The following IMMP2L variants were observed in gnomAD, a reference collection of about 807,000 sequenced individuals.
The protein encoded by IMMP2L is inner mitochondrial membrane peptidase subunit 2, also known as mitochondrial inner membrane protease subunit 2.
In IMMP2L, 18 loss-of-function variants were observed where a neutral mutation model predicts 19.3. The ratio of observed to expected loss-of-function variants is 0.93; its 90% CI spans 0.64 to 1.38. The LOEUF (loss-of-function observed/expected upper bound fraction) is 1.38. Among genes scored for constraint, IMMP2L ranks in the 40% most tolerant of loss-of-function variants. IMMP2L has a pLI of 0.00. For synonymous variants in IMMP2L, 76 were observed against 73.0 expected, an observed-to-expected ratio of 1.04 and a Z score of -0.21; for missense variants, 233 against 218.2, an observed-to-expected ratio of 1.07 and a Z score of -0.43.
At chr7:110,755,521 G>A (rs73714354) in intron 5 of IMMP2L, among the ~76,000 whole-genome samples, 5,366 of 152,128 alleles carry the variant, frequency 0.035, 277 homozygotes, top group African/African-American at 0.11. Context: ...ATAGCATCAC[G>A]TATTTATAGA....
intron 3 of IMMP2L, among the ~76,000 whole-genome samples, chr7:110,978,597 T>C (rs549504486): frequency 1.2e-4 from 18 of 152,206 alleles, no homozygotes; most frequent in Non-Finnish European, 2.1e-4. Context: ...TTTCATTTTA[T>C]AAAGGCTGTG....
chr7:111,259,029 C>G (rs1817026256), intron 3 of IMMP2L, among the ~76,000 whole-genome samples: 1 of 152,074 alleles, frequency 6.6e-6, no homozygotes, highest in African/African-American at 2.4e-5. Flanking sequence ...GGCTACAAAC[C>G]TGTACAACAT....
At chr7:110,914,357 C>CCT (rs1563076866) in intron 4 of IMMP2L, among the ~76,000 whole-genome samples, 10 of 152,280 alleles carry the variant, frequency 6.6e-5, no homozygotes, top group African/African-American at 2.4e-4. Flanking sequence ...ATTGAGTGAG[C>CCT]TCAACCAATT....
At chr7:110,952,859 A>G (rs749651227) in intron 4 of IMMP2L, among the ~76,000 whole-genome samples, 9 of 152,086 alleles carry the variant, frequency 5.9e-5, no homozygotes, top group Admixed American at 2.0e-4. Flanking sequence ...AATAATGAGG[A>G]CACTATTCAA....
chr7:111,405,371 C>T (rs1012299992), intron 3 of IMMP2L, among the ~76,000 whole-genome samples: 1 of 151,710 alleles, frequency 6.6e-6, no homozygotes, highest in Admixed American at 6.6e-5. Context: ...TAACAAATAA[C>T]CCCACACATT....
At chr7:110,902,033 A>C (rs76937436) in intron 4 of IMMP2L, among the ~76,000 whole-genome samples, 1 of 152,098 alleles carries the variant, frequency 6.6e-6, no homozygotes, top group East Asian at 1.9e-4. Context: ...ATTTGCCACA[A>C]GTTATGGTAA....
chr7:111,154,238 T>C (rs893145924), intron 3 of IMMP2L, among the ~76,000 whole-genome samples: 6 of 152,154 alleles, frequency 3.9e-5, no homozygotes, highest in Non-Finnish European at 5.9e-5. Context: ...GTACCTTTAA[T>C]AGATATTTCT....
chr7:110,720,987 C>A (rs993389129), intron 5 of IMMP2L, among the ~76,000 whole-genome samples: 1 of 150,970 alleles, frequency 6.6e-6, no homozygotes, highest in Admixed American at 6.6e-5. Context: ...CTTCTCCCCA[C>A]CCCCTCCCCA....
At chr7:110,848,156 A>T (rs1408048417) in intron 5 of IMMP2L, among the ~76,000 whole-genome samples, 1 of 152,172 alleles carries the variant, frequency 6.6e-6, no homozygotes, top group Admixed American at 6.6e-5. Context: ...TTTGTAAAAG[A>T]AATGTCTGAT....
chr7:111,269,737 C>A (rs1464250665), intron 3 of IMMP2L, among the ~76,000 whole-genome samples: 2 of 151,830 alleles, frequency 1.3e-5, no homozygotes, highest in Middle Eastern at 3.2e-3. Flanking sequence ...TGTTTAAATC[C>A]AGTTAAGCCC....
At chr7:111,527,404 A>C (rs1476981397) in intron 1 of IMMP2L, among the ~76,000 whole-genome samples, 2 of 132,030 alleles carry the variant, frequency 1.5e-5, no homozygotes, top group Non-Finnish European at 3.3e-5. Context: ...GTGACCAAAC[A>C]AGACCCTGTC....
At chr7:110,965,787 A>C (rs1235035891) in intron 3 of IMMP2L, among the ~76,000 whole-genome samples, 2 of 152,016 alleles carry the variant, frequency 1.3e-5, no homozygotes, top group Non-Finnish European at 2.9e-5. Flanking sequence ...ATATTGACAA[A>C]GATGTACTAC....
chr7:111,422,789 T>G (rs1835701542), intron 3 of IMMP2L, among the ~76,000 whole-genome samples: 1 of 151,876 alleles, frequency 6.6e-6, no homozygotes, highest in South Asian at 2.1e-4. Flanking sequence ...CATCCTTGTC[T>G]TGTGTCGGTT....
chr7:111,476,741 T>C (rs1170162489), intron 3 of IMMP2L, among the ~76,000 whole-genome samples: 1 of 152,160 alleles, frequency 6.6e-6, no homozygotes, highest in African/African-American at 2.4e-5. Context: ...GCAGCCTGCT[T>C]TCCTCTGCCC....
At chr7:111,010,509 G>T (rs1183592895) in intron 3 of IMMP2L, among the ~76,000 whole-genome samples, 1 of 152,102 alleles carries the variant, frequency 6.6e-6, no homozygotes, top group East Asian at 1.9e-4. Context: ...AACATGGATA[G>T]TTTCCATTAA....
intron 3 of IMMP2L, among the ~76,000 whole-genome samples, chr7:111,254,570 G>A (rs1214932567): frequency 1.3e-5 from 2 of 151,792 alleles, no homozygotes. Context: ...TAGTTTATTG[G>A]GTAATTGATG....
At chr7:111,464,328 A>G (rs918647931) in intron 3 of IMMP2L, among the ~76,000 whole-genome samples, 4 of 152,176 alleles carry the variant, frequency 2.6e-5, no homozygotes, top group Non-Finnish European at 2.9e-5. Flanking sequence ...TTTAAAAATG[A>G]AAACATTAGC....
intron 4 of IMMP2L, among the ~76,000 whole-genome samples, chr7:110,925,664 T>C (rs183673680): frequency 6.6e-6 from 1 of 152,230 alleles, no homozygotes; most frequent in African/African-American, 2.4e-5. Flanking sequence ...GTAGTCCATG[T>C]AATTATCTTT....
At chr7:111,511,967 G>A (rs531392327) in intron 2 of IMMP2L, among the ~76,000 whole-genome samples, 1 of 152,150 alleles carries the variant, frequency 6.6e-6, no homozygotes, top group East Asian at 1.9e-4. Flanking sequence ...ACCCCAGTTA[G>A]TTGAGCAATT....
Sources: allele counts gnomAD v4.1 joint callset (sites outside exome capture counted in the v4.1 genomes callset), GRCh38; gene constraint gnomAD v4.1.1; transcripts MANE v1.5; gene names NCBI Gene and HGNC (gene_info 2026-07-23, HGNC 2026-07-21).